DCC: variants seen among roughly 807,000 people sequenced by gnomAD.
The protein encoded by DCC is DCC netrin 1 receptor, also known as netrin receptor DCC.
A neutral mutation model predicts 172.5 loss-of-function variants in DCC; 58 were observed. The observed-to-expected ratio is 0.34, with a 90% CI of 0.27 to 0.42. The LOEUF is 0.42. Among genes scored for constraint, DCC ranks in the 10% least tolerant of loss-of-function variants. The pLI is 1.00. For synonymous variants in DCC, 709 were observed against 644.5 expected (o/e 1.10, Z -1.52); for missense variants, 1,740 against 1,791.0 (o/e 0.97, Z 0.51).
At chr18:53,327,926 G>A (rs928733077) in intron 14 of DCC, among the ~76,000 whole-genome samples, 3 of 152,172 alleles carry the variant, frequency 2.0e-5, no homozygotes, top group African/African-American at 7.2e-5. Flanking sequence ...TTGACAGATA[G>A]GCTTGGGGAA....
intron 7 of DCC, among the ~76,000 whole-genome samples, chr18:53,106,947 C>G (rs562883931): frequency 6.6e-6 from 1 of 151,818 alleles, no homozygotes; most frequent in Non-Finnish European, 1.5e-5. Flanking sequence ...CTTTTTAAAG[C>G]GAAACTTATT....
At chr18:53,364,157 C>G (rs1384046967) in intron 15 of DCC, among the ~76,000 whole-genome samples, 1 of 152,064 alleles carries the variant, frequency 6.6e-6, no homozygotes, top group Non-Finnish European at 1.5e-5. Context: ...AAATTGTAAC[C>G]TAGTATCTGG....
At chr18:53,098,798 G>A (rs2043122819) in intron 7 of DCC, among the ~76,000 whole-genome samples, 1 of 152,096 alleles carries the variant, frequency 6.6e-6, no homozygotes, top group African/African-American at 2.4e-5. Context: ...TTTGAGCCTA[G>A]TAGTTTGAGA....
chr18:52,515,097 T>C lies in DCC; in HGVS notation c.91+174219T>C, dbSNP rs149821076. Among the ~76,000 whole-genome samples the C allele has an allele frequency of 2.1e-3, 317 of 152,228 alleles. 1 individual carries two copies. The highest frequency in any genetic ancestry group is 7.0e-3 in the African/African-American group (289 of 41,530). On this transcript the variant is annotated intron_variant, in intron 1 of 28. Coordinates refer to ENST00000442544, the MANE Select transcript of DCC (RefSeq NM_005215.4). ...TGTGATATTAGCAGAAGGATAGACA[T>C]ATAGAACAATGGAACAGAATAGGAG...
intron 2 of DCC, among the ~76,000 whole-genome samples, chr18:52,810,879 C>A (rs1167028479): frequency 3.3e-5 from 5 of 152,018 alleles, no homozygotes; most frequent in Non-Finnish European, 7.4e-5. Flanking sequence ...CACTGGGGGC[C>A]CACCCCAGTC....
intron 8 of DCC, among the ~76,000 whole-genome samples, chr18:53,158,210 T>C (rs1222552208): frequency 6.6e-6 from 1 of 152,220 alleles, no homozygotes; most frequent in Admixed American, 6.5e-5. Flanking sequence ...TTAAGTTGCA[T>C]ATATAAATGT....
At chr18:52,998,119 G>A (rs1036635815) in intron 5 of DCC, among the ~76,000 whole-genome samples, 19 of 152,032 alleles carry the variant, frequency 1.2e-4, no homozygotes, top group Non-Finnish European at 2.9e-5. Flanking sequence ...TAAAAGTTGA[G>A]TTTTTCATTT....
chr18:52,776,609 G>A (rs577118706), intron 2 of DCC, among the ~76,000 whole-genome samples: 2 of 152,228 alleles, frequency 1.3e-5, no homozygotes, highest in African/African-American at 4.8e-5. Flanking sequence ...ACCAAGTGCT[G>A]AGCCAGGTTG....
At chr18:52,964,742 T>C (rs1326465644) in intron 5 of DCC, among the ~76,000 whole-genome samples, 1 of 152,168 alleles carries the variant, frequency 6.6e-6, no homozygotes, top group African/African-American at 2.4e-5. Context: ...ATGTAGTGGC[T>C]GAAAACAATG....
chr18:53,086,136 CTCCTCCTCCTCCTCCTCTTCCTCTTCTCT>C (rs2042888950), intron 7 of DCC, among the ~76,000 whole-genome samples: 1 of 24,230 alleles, frequency 4.1e-5, no homozygotes. Flanking sequence ...CCTCCTCCTC[CTCCTCCTCCTCCTCCTCTTCCTCTTCTCT>C]TCCTCTTCTC....
chr18:52,415,302 A>G (rs1279892327), intron 1 of DCC, among the ~76,000 whole-genome samples: 4 of 152,064 alleles, frequency 2.6e-5, no homozygotes, highest in East Asian at 1.9e-4. Flanking sequence ...TTAGTGCGGC[A>G]TAGTGCCTCT....
chr18:53,064,904 C>A (rs1017691106), intron 6 of DCC, among the ~76,000 whole-genome samples: 1 of 152,046 alleles, frequency 6.6e-6, no homozygotes. Context: ...CCCTTAAGGA[C>A]GTATTGTAAA....
chr18:52,490,608 CAA>C (rs757854177), intron 1 of DCC, among the ~76,000 whole-genome samples: 1 of 152,064 alleles, frequency 6.6e-6, no homozygotes, highest in Non-Finnish European at 1.5e-5. Context: ...TGTATGTCAC[CAA>C]AGACCTTCAA....
intron 15 of DCC, among the ~76,000 whole-genome samples, chr18:53,374,998 C>G (rs1333715131): frequency 2.0e-5 from 3 of 152,072 alleles, no homozygotes; most frequent in Non-Finnish European, 2.9e-5. Flanking sequence ...CTGCAGTGAC[C>G]CATGGGTGGA....
intron 7 of DCC, among the ~76,000 whole-genome samples, chr18:53,092,525 C>G (rs897178201): frequency 6.6e-6 from 1 of 152,096 alleles, no homozygotes; most frequent in African/African-American, 2.4e-5. Context: ...TTTATTGCAA[C>G]AATCCATTTT....
intron 2 of DCC, among the ~76,000 whole-genome samples, chr18:52,850,051 G>C (rs950388070): frequency 1.3e-5 from 2 of 152,178 alleles, no homozygotes; most frequent in Non-Finnish European, 2.9e-5. Flanking sequence ...GTATGATTTT[G>C]AGTCTTCAAA....
intron 5 of DCC, among the ~76,000 whole-genome samples, chr18:53,007,982 A>C (rs571141871): frequency 3.9e-5 from 6 of 152,246 alleles, no homozygotes; most frequent in Admixed American, 2.0e-4. Flanking sequence ...ACTTAAGCCA[A>C]ATTCACCTGC....
At chr18:53,389,714 C>T (rs1908419115) in intron 16 of DCC, among the ~76,000 whole-genome samples, 1 of 152,122 alleles carries the variant, frequency 6.6e-6, no homozygotes, top group Admixed American at 6.5e-5. Flanking sequence ...CCACCCAACA[C>T]CCTTGCTTGA....
intron 2 of DCC, among the ~76,000 whole-genome samples, chr18:52,834,016 A>T (rs1328417985): frequency 6.6e-6 from 1 of 152,112 alleles, no homozygotes; most frequent in Non-Finnish European, 1.5e-5. Context: ...CCCGGGGCCT[A>T]TGTGCTTGGG....
Sources: gnomAD v4.1 joint callset for allele counts (sites outside exome capture counted in the v4.1 genomes callset) on GRCh38, gnomAD v4.1.1 for gene constraint, MANE v1.5 for transcripts, NCBI Gene and HGNC (gene_info 2026-07-23, HGNC 2026-07-21) for gene names.